The following COL11A1 variants were observed in gnomAD, a reference collection of about 807,000 sequenced individuals.
COL11A1 encodes collagen type XI alpha 1 chain, also known as collagen alpha-1(XI) chain.
COL11A1 carries 74 observed loss-of-function variants against 265.2 expected under a neutral mutation model. The observed-to-expected ratio is 0.28, with a 90% CI of 0.23 to 0.34. The LOEUF is 0.34. COL11A1 is among the 10% of genes least tolerant of loss of function. COL11A1 has a pLI of 1.00. For synonymous variants in COL11A1, 816 were observed against 727.6 expected (o/e 1.12, Z -1.96); for missense variants, 2,165 against 2,263.6 (o/e 0.96, Z 0.88).
intron 59 of COL11A1, 37 bp from the exon 60 acceptor site, chr1:102,888,956 C>T: frequency 6.4e-7 from 1 of 1,567,870 alleles, no homozygotes; most frequent in Non-Finnish European, 8.8e-7. Context: ...GGGATTTTCT[C>T]AGCTATTTCA....
chr1:102,962,714 C>T lies in COL11A1; in HGVS notation c.2963G>A (p.Gly988Asp), dbSNP rs1186160639. The T allele has an allele frequency of 6.2e-7, 1 of 1,614,124 alleles. No homozygotes were observed. Residue 988 changes from glycine (G) to aspartate (D), a missense_variant, in exon 39 of 67, where the codon GGC becomes GAC. Coordinates refer to ENST00000370096, the MANE Select transcript of COL11A1 (RefSeq NM_001854.4). ...TGPIGERGHP[G>D]PPGPPGEQGL... is the part of the protein sequence containing the mutation. ...TTGCTCACCAGGAGGGCCAGGAGGGCCAGGATGCCCACGTTCCCCTATTGG... is the reference window on the plus strand; with the variant it reads ...TTGCTCACCAGGAGGGCCAGGAGGGTCAGGATGCCCACGTTCCCCTATTGG...
chr1:102,985,326 G>C (rs1663430847), intron 30 of COL11A1, among the ~76,000 whole-genome samples: 1 of 151,996 alleles, frequency 6.6e-6, no homozygotes, highest in Non-Finnish European at 1.5e-5. Flanking sequence ...TTAAGAACAT[G>C]GTTTATGACC....
In COL11A1 at chr1:102,888,472, C is replaced by T. The variant is rs1651293338; in HGVS notation, c.4608+105G>A. ...TATAATGTTTCCTATAAAATCAGCA[C>T]TTTTGGCAGAATGTGCTTTTTGTCT... On this transcript the variant is annotated intron_variant, in intron 62 of 66. Transcript: ENST00000370096. 11 of 1,069,546 alleles carry T rather than the reference C, an allele frequency of 1.0e-5. No individual in the cohort carries two copies. The East Asian group carries it at 2.7e-4, about 26-fold the overall frequency. 66.3% of individuals were successfully genotyped at this position (1,069,546 alleles called of 1,614,324 possible).
intron 57 of COL11A1, among the ~76,000 whole-genome samples, chr1:102,892,782 G>GT (rs1193619514): frequency 6.6e-6 from 1 of 152,058 alleles, no homozygotes; most frequent in African/African-American, 2.4e-5. Context: ...AATTCTCTAA[G>GT]TATTAAAGTG....
chr1:102,887,332 T>G (rs1651121671), intron 62 of COL11A1, among the ~76,000 whole-genome samples: 1 of 151,938 alleles, frequency 6.6e-6, no homozygotes, highest in South Asian at 2.1e-4. Flanking sequence ...GTAGATATGT[T>G]ATATATGTTA....
rs1300929951 is a variant in COL11A1, at chr1:102,987,723, A to G, written c.2412T>C (p.Ile804=). 6.2e-7 allele frequency: 1 copy of G among 1,613,456 alleles called. No homozygotes were observed. The highest frequency in any genetic ancestry group is 8.5e-7 in the Non-Finnish European group (1 of 1,179,638). The change falls in exon 30 of 67, where the codon ATT becomes ATC. Residue 804 remains isoleucine (I), a synonymous_variant. Transcript: ENST00000370096. ...LKGDRGEVGQ[I]GPRGEDGPEG... ...CAGGGCCATCTTCCCCTCTTGGGCCAATTTGACCAACTTCTCCCTGAGGCA... is the reference window on the plus strand; with the variant it reads ...CAGGGCCATCTTCCCCTCTTGGGCCGATTTGACCAACTTCTCCCTGAGGCA...
chr1:102,916,802 C>T (rs1655388611), intron 49 of COL11A1, among the ~76,000 whole-genome samples: 1 of 151,334 alleles, frequency 6.6e-6, no homozygotes, highest in African/African-American at 2.4e-5. Flanking sequence ...CAAATACTTC[C>T]AGAATTTTTG....
intron 4 of COL11A1, among the ~76,000 whole-genome samples, chr1:103,047,219 T>C (rs1557993217): frequency 6.6e-6 from 1 of 152,210 alleles, no homozygotes; most frequent in Admixed American, 6.5e-5. Context: ...TTTCACGATA[T>C]TGATTTTTCC....
At chr1:102,938,744 C>A (rs1658409092) in intron 44 of COL11A1, among the ~76,000 whole-genome samples, 1 of 151,970 alleles carries the variant, frequency 6.6e-6, no homozygotes, top group Admixed American at 6.6e-5. Context: ...TATATGTATA[C>A]AAAATTTCTC....
At chr1:103,071,109 TC>T (rs1671551772) in intron 4 of COL11A1, among the ~76,000 whole-genome samples, 1 of 152,006 alleles carries the variant, frequency 6.6e-6, no homozygotes, top group African/African-American at 2.4e-5. Flanking sequence ...ATGCAAAATG[TC>T]CATCACAAAG....
rs776199173 is a variant in COL11A1 at position 103,014,550 on chromosome 1, A to G, written c.1533T>C (p.Ala511=). The change falls in exon 13 of 67, where the codon GCT becomes GCC. Residue 511 remains alanine (A), a synonymous_variant. Transcript: ENST00000370096. ...GAATAGCTTGAGCCTGAGCTTCCTG[A>G]GCAGAGATGGTTGGTCCTTTGGAAC... is the stretch of plus-strand genomic sequence containing the variant. ...GDGSKGPTIS[A]QEAQAQAILQ... 1 of 1,613,782 alleles carries G rather than the reference A, an allele frequency of 6.2e-7. No individual in the cohort carries two copies. Among genetic ancestry groups the G allele is most frequent in the Non-Finnish European group, 8.5e-7 (1 of 1,179,784 alleles).
At position 103,082,800 on chromosome 1, in the gene COL11A1, T is replaced by C. The variant is rs1571238473; in HGVS notation, c.274+5A>G. On this transcript the variant is annotated splice_donor_5th_base_variant and intron_variant, in intron 2 of 66. Transcript: ENST00000370096. ...ATAACAATAATAATAATAAAGTGAATATACCTGGAAATAACTGTTTTGTTG... is the reference window on the plus strand; with the variant it reads ...ATAACAATAATAATAATAAAGTGAACATACCTGGAAATAACTGTTTTGTTG... The C allele has an allele frequency of 1.1e-5, 17 of 1,610,072 alleles. No homozygotes were observed. Among genetic ancestry groups the C allele is most frequent in the Non-Finnish European group, 1.4e-5 (17 of 1,176,844 alleles).
At chr1:103,083,082 C>G in intron 1 of COL11A1, 110 bp from the exon 2 acceptor site, 2 of 1,060,030 alleles carry the variant, frequency 1.9e-6, no homozygotes, top group Non-Finnish European at 2.7e-6. Flanking sequence ...ATCTATTTAT[C>G]ACTTGCCATG....
chr1:103,070,622 T>C (rs1418366822), intron 4 of COL11A1, among the ~76,000 whole-genome samples: 1 of 151,880 alleles, frequency 6.6e-6, no homozygotes, highest in Non-Finnish European at 1.5e-5. Flanking sequence ...TTCTTGATTA[T>C]GATGATGGTT....
intron 37 of COL11A1, among the ~76,000 whole-genome samples, chr1:102,969,083 T>C (rs575853293): frequency 6.6e-6 from 1 of 152,328 alleles, no homozygotes; most frequent in East Asian, 1.9e-4. Flanking sequence ...CATACAGATA[T>C]CTTTCCCAAG....
rs11164652 is a variant in COL11A1, at chr1:102,984,267, T to A, written c.2503-76A>T. Reference sequence around the variant, plus strand: ...CTTAAATAATGATTTCAATTTTTTTTAAATATTAGAATCACATATTGTACA... The same window carrying A: ...CTTAAATAATGATTTCAATTTTTTTAAAATATTAGAATCACATATTGTACA... On this transcript the variant is annotated intron_variant, in intron 30 of 66. Coordinates refer to ENST00000370096, the MANE Select transcript of COL11A1 (RefSeq NM_001854.4). The A allele has an allele frequency of 6.2e-4, 614 of 983,252 alleles. No individual in the cohort carries two copies. The African/African-American group carries it at 8.6e-3, about 14-fold the overall frequency. 60.9% of individuals were successfully genotyped at this position (983,252 alleles called of 1,614,324 possible). A position where few individuals can be genotyped will look rare whatever the true frequency, so the allele number is the denominator to read the frequency against.
intron 1 of COL11A1, among the ~76,000 whole-genome samples, chr1:103,089,623 C>T (rs1489335052): frequency 2.0e-5 from 3 of 152,124 alleles, no homozygotes; most frequent in African/African-American, 4.8e-5. Context: ...TATCAAATTG[C>T]AAAGACATAG....
intron 2 of COL11A1, among the ~76,000 whole-genome samples, chr1:103,079,399 G>A (rs1255062973): frequency 6.6e-6 from 1 of 151,998 alleles, no homozygotes; most frequent in Non-Finnish European, 1.5e-5. Context: ...AGAAGCATAT[G>A]TCATTATGAG....
intron 4 of COL11A1, among the ~76,000 whole-genome samples, chr1:103,074,413 G>C (rs1671812985): frequency 6.6e-6 from 1 of 152,022 alleles, no homozygotes; most frequent in South Asian, 2.1e-4. Flanking sequence ...ATGTTTCCCA[G>C]GCGTTACGGT....
Sources: allele counts gnomAD v4.1 joint callset (sites outside exome capture counted in the v4.1 genomes callset), GRCh38; gene constraint gnomAD v4.1.1; transcripts MANE v1.5; gene names NCBI Gene and HGNC (gene_info 2026-07-23, HGNC 2026-07-21).